IGF1R: variants seen among roughly 807,000 people sequenced by gnomAD.
IGF1R encodes insulin like growth factor 1 receptor.
A neutral mutation model predicts 144.6 loss-of-function variants in IGF1R; 44 were observed. That is an observed-to-expected ratio of 0.30 (90% CI 0.24 to 0.39). The LOEUF is 0.39. IGF1R is among the 10% of genes least tolerant of loss of function. The probability of loss-of-function intolerance (pLI) is 1.00; values close to 1 mark genes in which losing one functional copy is unlikely to be tolerated. For missense variants in IGF1R, 1,355 were observed against 1,833.7 expected, an observed-to-expected ratio of 0.74 and a Z score of 4.77; for synonymous variants, 795 against 722.8, an observed-to-expected ratio of 1.10 and a Z score of -1.60.
intron 2 of IGF1R, among the ~76,000 whole-genome samples, chr15:98,834,480 C>A (rs991002516): frequency 2.0e-5 from 3 of 152,348 alleles, no homozygotes; most frequent in Non-Finnish European, 1.5e-5. Context: ...TTCACACTTA[C>A]TTCTGTTTTA....
chr15:98,813,570 C>T (rs550851233), intron 2 of IGF1R, among the ~76,000 whole-genome samples: 4 of 152,374 alleles, frequency 2.6e-5, no homozygotes, highest in African/African-American at 9.6e-5. Flanking sequence ...GGCCCCTTGG[C>T]ATGGTGCACT....
At position 98,891,647 on chromosome 15, in the gene IGF1R, G is replaced by A. The variant is rs756249894; in HGVS notation, c.953+10G>A. On this transcript the variant is annotated intron_variant, in intron 3 of 20. Coordinates refer to ENST00000650285, the MANE Select transcript of IGF1R (RefSeq NM_000875.5). This position sits in a 1 kb window ranked among gnomAD's most constrained non-coding sequence, Gnocchi z 4.7. ...GCAACGGCAGCCAGAGGTCAGTCGC[G>A]GCCACACGTGTGGTCACTACCCGCC... The A allele has an allele frequency of 4.1e-5, 65 of 1,599,018 alleles. No homozygotes were observed. In the East Asian group the frequency reaches 5.6e-4, roughly 14 times the overall value.
At chr15:98,790,307 CAT>C (rs763409522) in intron 2 of IGF1R, among the ~76,000 whole-genome samples, 2 of 152,152 alleles carry the variant, frequency 1.3e-5, no homozygotes, top group Non-Finnish European at 2.9e-5. Context: ...TTAAAAGAAA[CAT>C]GTGAAAGAGC....
At chr15:98,800,644 A>G (rs536976243) in intron 2 of IGF1R, among the ~76,000 whole-genome samples, 61 of 152,014 alleles carry the variant, frequency 4.0e-4, no homozygotes, top group Non-Finnish European at 6.6e-4. Flanking sequence ...CCCTCCACCT[A>G]TTTGGATTAG....
chr15:98,674,237 G>C (rs556776763), intron 1 of IGF1R, among the ~76,000 whole-genome samples: 1 of 152,306 alleles, frequency 6.6e-6, no homozygotes, highest in South Asian at 2.1e-4. Context: ...AACTACAGTG[G>C]TCATGATGGC....
At chr15:98,805,097 C>G (rs1338960795) in intron 2 of IGF1R, among the ~76,000 whole-genome samples, 1 of 152,200 alleles carries the variant, frequency 6.6e-6, no homozygotes, top group African/African-American at 2.4e-5. Context: ...CAAAGGCATT[C>G]TCTTTTGGGA....
chr15:98,822,745 CTT>C (rs2056825214), intron 2 of IGF1R, among the ~76,000 whole-genome samples: 1 of 152,176 alleles, frequency 6.6e-6, no homozygotes, highest in African/African-American at 2.4e-5. Flanking sequence ...TCAGAATAAA[CTT>C]TTATTTTCTG....
chr15:98,860,163 C>G (rs2012070484), intron 2 of IGF1R, among the ~76,000 whole-genome samples: 2 of 152,240 alleles, frequency 1.3e-5, no homozygotes, highest in African/African-American at 4.8e-5. Context: ...ATCCTTGACT[C>G]TGAACTGTAT....
At chr15:98,895,759 A>G (rs2014163589) in intron 3 of IGF1R, among the ~76,000 whole-genome samples, 1 of 152,242 alleles carries the variant, frequency 6.6e-6, no homozygotes, top group Non-Finnish European at 1.5e-5. Flanking sequence ...GCTATAATTT[A>G]CATTGTTTTT....
intron 2 of IGF1R, chr15:98,824,218 A>T (rs967285438): frequency 1.3e-5 from 2 of 152,174 alleles, no homozygotes; most frequent in African/African-American, 4.8e-5. Flanking sequence ...GTGCACGGCC[A>T]CCTGGTTCCT....
At chr15:98,907,441 T>G (rs2151668299) in intron 5 of IGF1R, among the ~76,000 whole-genome samples, 1 of 152,348 alleles carries the variant, frequency 6.6e-6, no homozygotes, top group East Asian at 1.9e-4. Flanking sequence ...GCTGGGGTTC[T>G]TTCTCCTTTG....
At chr15:98,700,436 T>C (rs892928659) in intron 1 of IGF1R, among the ~76,000 whole-genome samples, 1 of 152,142 alleles carries the variant, frequency 6.6e-6, no homozygotes, top group Non-Finnish European at 1.5e-5. Flanking sequence ...GGTTATTCAG[T>C]TCTTTCCTAG....
At chr15:98,655,275 A>AT (rs1430763318) in intron 1 of IGF1R, among the ~76,000 whole-genome samples, 1 of 152,162 alleles carries the variant, frequency 6.6e-6, no homozygotes, top group Admixed American at 6.5e-5. Flanking sequence ...CTTTGGTTTT[A>AT]TTTGACTCAA....
Position 98,649,559 on chromosome 15 carries a change from G to T in IGF1R, c.-23G>T. ...TTTTTTTTTTTTTTTTGAGAAAGGGGAATTTCATCCCAAATAAAAGGAATG... is the reference window on the plus strand; with the variant it reads ...TTTTTTTTTTTTTTTTGAGAAAGGGTAATTTCATCCCAAATAAAAGGAATG... On this transcript the variant is annotated 5_prime_UTR_variant, in exon 1 of 21. Coordinates refer to ENST00000650285, the MANE Select transcript of IGF1R (RefSeq NM_000875.5). 9.0e-7 allele frequency: 1 copy of T among 1,112,904 alleles called. No homozygotes were observed. Among genetic ancestry groups the T allele is most frequent in the Non-Finnish European group, 1.3e-6 (1 of 751,450 alleles). 68.9% of individuals were successfully genotyped at this position (1,112,904 alleles called of 1,614,324 possible).
At chr15:98,727,160 G>A (rs2054381334) in intron 2 of IGF1R, among the ~76,000 whole-genome samples, 1 of 152,168 alleles carries the variant, frequency 6.6e-6, no homozygotes, top group Non-Finnish European at 1.5e-5. Context: ...CATTTAATGG[G>A]TGGATGTTTT....
chr15:98,702,077 T>G (rs1229849422), intron 1 of IGF1R, among the ~76,000 whole-genome samples: 1 of 149,648 alleles, frequency 6.7e-6, no homozygotes, highest in Non-Finnish European at 1.5e-5. Flanking sequence ...AGGTTGTGTC[T>G]AAGACATAAT....
chr15:98,868,765 G>T (rs2012607593), intron 2 of IGF1R, among the ~76,000 whole-genome samples: 1 of 152,194 alleles, frequency 6.6e-6, no homozygotes, highest in South Asian at 2.1e-4. Context: ...AAATCTGACA[G>T]CGTATGCCAA....
chr15:98,902,318 G>C (rs554454181), intron 5 of IGF1R, among the ~76,000 whole-genome samples: 36 of 151,906 alleles, frequency 2.4e-4, no homozygotes, highest in African/African-American at 7.7e-4. Context: ...AAAGCACTTT[G>C]ACGGTTTTTT....
At chr15:98,710,673 T>C (rs2053971776) in intron 2 of IGF1R, among the ~76,000 whole-genome samples, 1 of 151,198 alleles carries the variant, frequency 6.6e-6, no homozygotes, top group Non-Finnish European at 1.5e-5. Flanking sequence ...TTATTCTTTT[T>C]TTTTTTTTTT....
Sources: gnomAD v4.1 joint callset for allele counts (sites outside exome capture counted in the v4.1 genomes callset) on GRCh38, gnomAD v4.1.1 for gene constraint, Gnocchi (gnomAD v3.1) non-coding constraint, MANE v1.5 for transcripts, NCBI Gene and HGNC (gene_info 2026-07-23, HGNC 2026-07-21) for gene names.